The following SMLR1 variants were observed in gnomAD, a reference collection of about 807,000 sequenced individuals.
SMLR1 encodes small leucine-rich protein 1.
SMLR1 carries 3 observed loss-of-function variants against 6.1 expected under a neutral mutation model. The ratio of observed to expected loss-of-function variants is 0.49; its 90% CI spans 0.22 to 1.28. The LOEUF is 1.28. Ranked by LOEUF, SMLR1 falls within the 50% of genes most tolerant of loss-of-function variation. SMLR1 has a pLI of 0.19. For missense variants in SMLR1, 126 were observed against 124.8 expected, an observed-to-expected ratio of 1.01 and a Z score of -0.05; for synonymous variants, 55 against 53.6, an observed-to-expected ratio of 1.03 and a Z score of -0.11.
Position 130,836,246 on chromosome 6 carries a change from T to G in SMLR1, c.*1291T>G, listed in dbSNP as rs1774655784. On this transcript the variant is annotated 3_prime_UTR_variant, in exon 2 of 2. Coordinates refer to ENST00000541421, the MANE Select transcript of SMLR1 (RefSeq NM_001195597.2). ...ACAATGAAAATGTCTGCCGGGGTTT[T>G]CAGACTGAACTAATTCAGAGTAACA... 6.6e-6 allele frequency: 1 copy of G among 152,238 alleles called. No homozygotes were observed. The highest frequency in any genetic ancestry group is 1.5e-5 in the Non-Finnish European group (1 of 68,028). 9.4% of individuals were successfully genotyped at this position (152,238 alleles called of 1,614,324 possible).
chr6:130,834,998 T>A lies in SMLR1; in HGVS notation c.*43T>A. 6.8e-7 allele frequency: 1 copy of A among 1,476,282 alleles called. No individual in the cohort carries two copies. The highest frequency in any genetic ancestry group is 9.1e-7 in the Non-Finnish European group (1 of 1,092,902). 91.4% of individuals were successfully genotyped at this position (1,476,282 alleles called of 1,614,324 possible). On this transcript the variant is annotated 3_prime_UTR_variant, in exon 2 of 2. Transcript: ENST00000541421. ...TAACTAAAGCACAATGAGTTTCTACTGGTCAGCAAGCAATGGCCAACAGTT... is the reference window on the plus strand; with the variant it reads ...TAACTAAAGCACAATGAGTTTCTACAGGTCAGCAAGCAATGGCCAACAGTT...
At position 130,835,102 on chromosome 6, in the gene SMLR1, GAA is replaced by G. The variant is rs1774611008; in HGVS notation, c.*150_*151del. 1 of 663,698 alleles carries G rather than the reference GAA, an allele frequency of 1.5e-6. No homozygotes were observed. The highest frequency in any genetic ancestry group is 1.8e-5 in the African/African-American group (1 of 55,068). 41.1% of individuals were successfully genotyped at this position (663,698 alleles called of 1,614,324 possible). On this transcript the variant is annotated 3_prime_UTR_variant, in exon 2 of 2. Coordinates refer to ENST00000541421, the MANE Select transcript of SMLR1 (RefSeq NM_001195597.2). Reference sequence around the variant, plus strand: ...TAAGATACTCATTCTGAACCATACTGAAAAGTGGCAGCTATTATCTAAGGGGA... The same window carrying G: ...TAAGATACTCATTCTGAACCATACTGAAGTGGCAGCTATTATCTAAGGGGA...
chr6:130,832,068 T>C (rs1372988214), intron 1 of SMLR1, among the ~76,000 whole-genome samples: 5 of 152,126 alleles, frequency 3.3e-5, no homozygotes, highest in Admixed American at 6.6e-5. Flanking sequence ...GTCATGAACT[T>C]CCCATAGCCA....
In SMLR1 at chr6:130,834,928, C is replaced by A. The variant is rs765426152; in HGVS notation, c.297C>A (p.Ser99=). ...AACATAATCCCAAGGATGGCTCTTC[C>A]CTGTACCAGAGAATGAAATGGACGT... ...DRQHNPKDGS[S]LYQRMKWT is the part of the protein sequence containing the mutation. Residue 99 remains serine, a synonymous_variant, in exon 2 of 2, where the codon TCC becomes TCA. Coordinates refer to ENST00000541421, the MANE Select transcript of SMLR1 (RefSeq NM_001195597.2). The A allele has an allele frequency of 2.5e-5, 38 of 1,535,198 alleles. No homozygotes were observed. Among genetic ancestry groups the A allele is most frequent in the Non-Finnish European group, 3.2e-5 (37 of 1,146,326 alleles).
At position 130,827,687 on chromosome 6, in the gene SMLR1, TC is replaced by T. The variant is rs776064811; in HGVS notation, c.238+38del. 9 of 1,469,198 alleles carry T rather than the reference TC, an allele frequency of 6.1e-6. No individual in the cohort carries two copies. In the South Asian group the frequency reaches 1.1e-4, roughly 18 times the overall value. The allele number at this position is 1,469,198 out of a possible 1,614,324, so 91.0% of individuals were successfully genotyped here. ...GGCCACACAAGGAAGAACTTGGGCA[TC>T]CTTTCCCACAGCACATCTTGAAATA... On this transcript the variant is annotated intron_variant, in intron 1 of 1. Coordinates refer to ENST00000541421, the MANE Select transcript of SMLR1 (RefSeq NM_001195597.2).
Position 130,835,214 on chromosome 6 carries a change from T to G in SMLR1, c.*259T>G, listed in dbSNP as rs980314452. 2.7e-6 allele frequency: 1 copy of G among 365,746 alleles called. No homozygotes were observed. Among genetic ancestry groups the G allele is most frequent in the Non-Finnish European group, 5.0e-6 (1 of 198,308 alleles). 22.7% of individuals were successfully genotyped at this position (365,746 alleles called of 1,614,324 possible). A position where few individuals can be genotyped will look rare whatever the true frequency, so the allele number is the denominator to read the frequency against. On this transcript the variant is annotated 3_prime_UTR_variant, in exon 2 of 2. Transcript: ENST00000541421. ...GTATATACACTGGACACATTGTAACTTTTTAACTTTTATTGTGACTGTGTC... is the reference window on the plus strand; with the variant it reads ...GTATATACACTGGACACATTGTAACGTTTTAACTTTTATTGTGACTGTGTC...
chr6:130,829,849 C>A (rs1426555034), intron 1 of SMLR1, among the ~76,000 whole-genome samples: 1 of 152,180 alleles, frequency 6.6e-6, no homozygotes, highest in Non-Finnish European at 1.5e-5. Context: ...TAGGATCTAA[C>A]CCAAGGGAAA....
At chr6:130,833,112 CCTT>C (rs1168866424) in intron 1 of SMLR1, among the ~76,000 whole-genome samples, 1 of 152,120 alleles carries the variant, frequency 6.6e-6, no homozygotes, top group Non-Finnish European at 1.5e-5. Flanking sequence ...TGCACATCCT[CCTT>C]AATAGACCCA....
rs1486289668 is a variant in SMLR1 at position 130,834,890 on chromosome 6, A to C, written c.259A>C (p.Asn87His). ...TTCAGTTAATGAAGAACTGTCCCAGAACTGTGATCGCCAACATAATCCCAA... is the reference window on the plus strand; with the variant it reads ...TTCAGTTAATGAAGAACTGTCCCAGCACTGTGATCGCCAACATAATCCCAA... ...LIEVNEELSQ[N>H]CDRQHNPKDG... The change falls in exon 2 of 2, where the codon AAC (asparagine) becomes CAC (histidine). Residue 87 changes from asparagine (N) to histidine (H), a missense_variant. Asn to His is a moderately conservative substitution (Grantham distance 68). Coordinates refer to ENST00000541421, the MANE Select transcript of SMLR1 (RefSeq NM_001195597.2). 1.3e-6 allele frequency: 2 copies of C among 1,535,314 alleles called. No homozygotes were observed. Among genetic ancestry groups the C allele is most frequent in the Non-Finnish European group, 1.7e-6 (2 of 1,146,308 alleles).
In SMLR1 at chr6:130,835,168, T is replaced by C; in HGVS notation, c.*213T>C. 1 of 541,254 alleles carries C rather than the reference T, an allele frequency of 1.8e-6. No individual in the cohort carries two copies. Among genetic ancestry groups the C allele is most frequent in the Non-Finnish European group, 3.3e-6 (1 of 301,924 alleles). 33.5% of individuals were successfully genotyped at this position (541,254 alleles called of 1,614,324 possible). On this transcript the variant is annotated 3_prime_UTR_variant, in exon 2 of 2. Coordinates refer to ENST00000541421, the MANE Select transcript of SMLR1 (RefSeq NM_001195597.2). ...CAGTATAACAGCAGCTCTTGAAAAG[T>C]ACCAAGAATGGATTTCCTGGGTATA...
chr6:130,834,747 T>G, intron 1 of SMLR1, 123 bp from the exon 2 acceptor site: 1 of 713,060 alleles, frequency 1.4e-6, no homozygotes, highest in South Asian at 1.7e-5. Flanking sequence ...TTGGAAGACC[T>G]GGACTTCTGT....
chr6:130,830,582 C>A (rs1774410755), intron 1 of SMLR1, among the ~76,000 whole-genome samples: 1 of 152,140 alleles, frequency 6.6e-6, no homozygotes, highest in Non-Finnish European at 1.5e-5. Flanking sequence ...AGAGCAACTC[C>A]ATCTTGAATA....
rs1160015421 is a variant in SMLR1, at chr6:130,835,679, A to G, written c.*724A>G. 6.6e-6 allele frequency: 1 copy of G among 152,246 alleles called. No individual in the cohort carries two copies. Among genetic ancestry groups the G allele is most frequent in the Non-Finnish European group, 1.5e-5 (1 of 68,060 alleles). The allele number at this position is 152,246 out of a possible 1,614,324, so 9.4% of individuals were successfully genotyped here. A position where few individuals can be genotyped will look rare whatever the true frequency, so the allele number is the denominator to read the frequency against. ...TCACATAATTCCTGAGGAGGAGAAT[A>G]CAAGTCTTTGCCTGTAATACCAAAA... On this transcript the variant is annotated 3_prime_UTR_variant, in exon 2 of 2. Transcript: ENST00000541421.
At chr6:130,830,229 G>C (rs922676936) in intron 1 of SMLR1, among the ~76,000 whole-genome samples, 1 of 152,080 alleles carries the variant, frequency 6.6e-6, no homozygotes, top group Non-Finnish European at 1.5e-5. Context: ...TGTCAGGGCT[G>C]AGCACTTCAC....
At position 130,835,378 on chromosome 6, in the gene SMLR1, G is replaced by T. The variant is rs1774621805; in HGVS notation, c.*423G>T. 1 of 160,632 alleles carries T rather than the reference G, an allele frequency of 6.2e-6. No individual in the cohort carries two copies. The highest frequency in any genetic ancestry group is 2.4e-5 in the African/African-American group (1 of 41,662). 10.0% of individuals were successfully genotyped at this position (160,632 alleles called of 1,614,324 possible). On this transcript the variant is annotated 3_prime_UTR_variant, in exon 2 of 2. Coordinates refer to ENST00000541421, the MANE Select transcript of SMLR1 (RefSeq NM_001195597.2). ...TGAATAGCAAAAGATGAATGCCTTGGAGAGAGCTCAGTAGATTCCATATGC... is the reference window on the plus strand; with the variant it reads ...TGAATAGCAAAAGATGAATGCCTTGTAGAGAGCTCAGTAGATTCCATATGC...
intron 1 of SMLR1, among the ~76,000 whole-genome samples, chr6:130,834,154 C>G (rs1278997623): frequency 6.6e-6 from 1 of 152,076 alleles, no homozygotes; most frequent in African/African-American, 2.4e-5. Flanking sequence ...GAAGGCATCT[C>G]AGGGCTAAAA....
In SMLR1 at chr6:130,828,059, C is replaced by T. The variant is rs560398198; in HGVS notation, c.238+408C>T. Among the ~76,000 whole-genome samples the T allele has an allele frequency of 5.9e-4, 46 of 78,622 alleles. 1 individual carries two copies. The highest frequency in any genetic ancestry group is 1.8e-3 in the African/African-American group (43 of 24,194). The allele number at this position is 78,622 out of a possible 152,430, so 51.6% of individuals were successfully genotyped here. ...GTGTGCATGTCCGTGCGTGTGTATG[C>T]GCCCGTGTGTGCACACACACAACTT... On this transcript the variant is annotated intron_variant, in intron 1 of 1. Coordinates refer to ENST00000541421, the MANE Select transcript of SMLR1 (RefSeq NM_001195597.2).
At chr6:130,833,034 T>C (rs146879959) in intron 1 of SMLR1, among the ~76,000 whole-genome samples, 116 of 152,322 alleles carry the variant, frequency 7.6e-4, no homozygotes, top group Admixed American at 1.4e-3. Flanking sequence ...GCACACTGCA[T>C]TGCTTGCAGG....
chr6:130,836,372 T>C lies in SMLR1; in HGVS notation c.*1417T>C, dbSNP rs1237871739. 3 of 152,172 alleles carry C rather than the reference T, an allele frequency of 2.0e-5. No individual in the cohort carries two copies. The highest frequency in any genetic ancestry group is 4.4e-5 in the Non-Finnish European group (3 of 68,012). The allele number at this position is 152,172 out of a possible 1,614,324, so 9.4% of individuals were successfully genotyped here. On this transcript the variant is annotated 3_prime_UTR_variant, in exon 2 of 2. Coordinates refer to ENST00000541421, the MANE Select transcript of SMLR1 (RefSeq NM_001195597.2). ...ATCAGCTTATGTAAAAATGCTTTCT[T>C]TAACAGAAAGTGTGAAAGGACAGAT... is the stretch of plus-strand genomic sequence containing the variant.
Sources: allele counts gnomAD v4.1 joint callset (sites outside exome capture counted in the v4.1 genomes callset), GRCh38; gene constraint gnomAD v4.1.1; transcripts MANE v1.5; gene names NCBI Gene and HGNC (gene_info 2026-07-23, HGNC 2026-07-21).